NDC80: variants seen among roughly 807,000 people sequenced by gnomAD.
The protein encoded by NDC80 is NDC80 kinetochore complex component.
A neutral mutation model predicts 89.3 loss-of-function variants in NDC80; 69 were observed. That is an observed-to-expected ratio of 0.77 (90% confidence interval 0.64 to 0.94). The LOEUF (loss-of-function observed/expected upper bound fraction) is 0.94. Ranked by LOEUF, NDC80 falls within the 40% of genes least tolerant of loss-of-function variation. NDC80 has a pLI of 0.00. For missense variants in NDC80, 593 were observed against 739.6 expected, an observed-to-expected ratio of 0.80 and a Z score of 2.30; for synonymous variants, 243 against 255.6, an observed-to-expected ratio of 0.95 and a Z score of 0.47.
intron 13 of NDC80, among the ~76,000 whole-genome samples, chr18:2,603,356 C>CATATAAATATATATATATAT (rs2072693939): frequency 8.3e-6 from 1 of 120,800 alleles, no homozygotes; most frequent in Admixed American, 8.0e-5. Context: ...TATGTTTATA[C>CATATAAATATATATATATAT]ATATATATAT....
Position 2,608,708 on chromosome 18 carries a change from G to A in NDC80, c.1566G>A (p.Glu522=). The part of the protein sequence containing the change: ...DLYQQKIKEA[E]EEDEKCASEL... Reference sequence around the variant, plus strand: ...TGACTTTATCCTGATAGGAAGCAGAGGAAGAGGATGAAAAATGTGCCAGTG... The same window carrying A: ...TGACTTTATCCTGATAGGAAGCAGAAGAAGAGGATGAAAAATGTGCCAGTG... The change falls in exon 15 of 17, where the codon GAG becomes GAA. Residue 522 remains glutamate, a synonymous_variant. Coordinates refer to ENST00000261597, the MANE Select transcript of NDC80 (RefSeq NM_006101.3). 1.2e-6 allele frequency: 2 copies of A among 1,611,986 alleles called. No homozygotes were observed. Among genetic ancestry groups the A allele is most frequent in the Admixed American group, 3.3e-5 (2 of 59,992 alleles).
intron 2 of NDC80, among the ~76,000 whole-genome samples, chr18:2,574,535 G>GTAA (rs768272398): frequency 6.6e-6 from 1 of 152,042 alleles, no homozygotes; most frequent in Non-Finnish European, 1.5e-5. Context: ...AAATCAGAAA[G>GTAA]TAATAATAAT....
chr18:2,601,462 G>T lies in NDC80; in HGVS notation c.1441G>T (p.Gly481Cys). 1.3e-6 allele frequency: 2 copies of T among 1,498,640 alleles called. No individual in the cohort carries two copies. The highest frequency in any genetic ancestry group is 9.1e-7 in the Non-Finnish European group (1 of 1,102,866). 92.8% of individuals were successfully genotyped at this position (1,498,640 alleles called of 1,614,324 possible). A position where few individuals can be genotyped will look rare whatever the true frequency, so the allele number is the denominator to read the frequency against. The part of the protein sequence containing the change: ...EINKALNKKM[G>C]LEDTLEQLNA... Reference sequence around the variant, plus strand: ...TAATAAAGCCCTAAATAAAAAAATGGGTTTGGAGGATACTTTAGAACAAGT... The same window carrying T: ...TAATAAAGCCCTAAATAAAAAAATGTGTTTGGAGGATACTTTAGAACAAGT... The change falls in exon 13 of 17, where the codon GGT (glycine) becomes TGT (cysteine). Residue 481 changes from glycine (G) to cysteine (C), a missense_variant. Physicochemically the swap from Gly to Cys is radical, Grantham distance 159. Transcript: ENST00000261597.
chr18:2,602,362 T>C (rs1057374579), intron 13 of NDC80, among the ~76,000 whole-genome samples: 3 of 152,062 alleles, frequency 2.0e-5, no homozygotes, highest in Admixed American at 6.6e-5. Context: ...CTCAGAAAAA[T>C]AGAAAAATTT....
intron 13 of NDC80, among the ~76,000 whole-genome samples, chr18:2,604,681 C>T (rs972769403): frequency 6.6e-6 from 1 of 151,692 alleles, no homozygotes; most frequent in South Asian, 2.1e-4. Flanking sequence ...ACCCTTTCTC[C>T]AAAAAGAAAA....
At chr18:2,581,281 A>T (rs1228188026) in intron 6 of NDC80, among the ~76,000 whole-genome samples, 1 of 151,918 alleles carries the variant, frequency 6.6e-6, no homozygotes, top group Non-Finnish European at 1.5e-5. Flanking sequence ...TTAAATCTTA[A>T]TTCATCTCCA....
intron 15 of NDC80, among the ~76,000 whole-genome samples, chr18:2,609,425 G>A (rs1477925138): frequency 2.0e-5 from 3 of 152,022 alleles, no homozygotes; most frequent in Non-Finnish European, 2.9e-5. Context: ...CTACTCATGA[G>A]GCCGAGACAG....
rs994137582 is a variant in NDC80 at position 2,578,137 on chromosome 18, C to T, written c.472C>T (p.Leu158Phe). 1.1e-5 allele frequency: 18 copies of T among 1,612,968 alleles called. No homozygotes were observed. The highest frequency in any genetic ancestry group is 1.5e-5 in the Non-Finnish European group (18 of 1,179,564). The stretch of plus-strand genomic sequence containing the variant: ...AGAGGTTCCAAGAATCTTTAAAGAC[C>T]TTGGGTATGTATATTTCTTATTAGT... Reference protein sequence around the residue: ...EEEVPRIFKDLGYPFALSKSS... With the variant: ...EEEVPRIFKDFGYPFALSKSS... The change falls in exon 5 of 17, where the codon CTT (leucine) becomes TTT (phenylalanine). Residue 158 changes from leucine (L) to phenylalanine (F), a missense_variant. Transcript: ENST00000261597.
intron 11 of NDC80, among the ~76,000 whole-genome samples, chr18:2,597,366 A>G (rs2072662290): frequency 1.3e-5 from 2 of 152,128 alleles, no homozygotes; most frequent in African/African-American, 2.4e-5. Context: ...TCTCAGAAAG[A>G]TCTTATTTCT....
chr18:2,581,554 G>A (rs1030630652), intron 6 of NDC80, among the ~76,000 whole-genome samples: 1 of 152,204 alleles, frequency 6.6e-6, no homozygotes, highest in African/African-American at 2.4e-5. Context: ...GGCTACTTGG[G>A]AAGCTGAGGC....
chr18:2,577,940 C>A (rs778762547), intron 4 of NDC80, 29 bp from the exon 5 acceptor site: 1 of 1,609,180 alleles, frequency 6.2e-7, no homozygotes, highest in South Asian at 1.1e-5. Flanking sequence ...CATTACAAAA[C>A]GTTTGGTGGT....
chr18:2,595,729 A>G lies in NDC80; in HGVS notation c.1221+108A>G, dbSNP rs1298244526. On this transcript the variant is annotated intron_variant, in intron 11 of 16. Transcript: ENST00000261597. ...GTAGAGTAAATTGGCTTAAGAGGTA[A>G]AACATTAGCATTGACATTTTAATGA... 3 of 763,568 alleles carry G rather than the reference A, an allele frequency of 3.9e-6. No homozygotes were observed. In the African/African-American group the frequency reaches 5.3e-5, roughly 13 times the overall value. The allele number at this position is 763,568 out of a possible 1,614,324, so 47.3% of individuals were successfully genotyped here. A position where few individuals can be genotyped will look rare whatever the true frequency, so the allele number is the denominator to read the frequency against.
In NDC80 at chr18:2,611,045, A is replaced by ATTTT. The variant is rs34508122; in HGVS notation, c.1791+201_1791+204dup. Among the ~76,000 whole-genome samples, 6 of 112,530 alleles carry ATTTT rather than the reference A, an allele frequency of 5.3e-5. 1 individual carries two copies. Among genetic ancestry groups the ATTTT allele is most frequent in the Admixed American group, 1.0e-4 (1 of 9,588 alleles). The allele number at this position is 112,530 out of a possible 152,430, so 73.8% of individuals were successfully genotyped here. A position where few individuals can be genotyped will look rare whatever the true frequency, so the allele number is the denominator to read the frequency against. ...ACGTGATGCAGGGGAACACTTGAGC[A>ATTTT]TTTTTTTTTTTTTTTTTTTTGAGAC... On this transcript the variant is annotated intron_variant, in intron 16 of 16. Coordinates refer to ENST00000261597, the MANE Select transcript of NDC80 (RefSeq NM_006101.3).
In NDC80 at chr18:2,605,270, ATGTATG is replaced by A. The variant is rs2072704452; in HGVS notation, c.1465-1141_1465-1136del. On this transcript the variant is annotated intron_variant, in intron 13 of 16. Transcript: ENST00000261597. ...AGGCAATTGGAGTCGGGCGGGCTATATGTATGTGTGTGTGTGTGTGTGTGTGTGTGT... is the reference window on the plus strand; with the variant it reads ...AGGCAATTGGAGTCGGGCGGGCTATATGTGTGTGTGTGTGTGTGTGTGTGT... Among the ~76,000 whole-genome samples the A allele has an allele frequency of 2.1e-3, 209 of 98,172 alleles. 2 individuals are homozygous for A. The highest frequency in any genetic ancestry group is 7.4e-3 in the African/African-American group (193 of 26,234). 64.4% of individuals were successfully genotyped at this position (98,172 alleles called of 152,430 possible).
intron 13 of NDC80, among the ~76,000 whole-genome samples, chr18:2,605,542 G>A (rs779660019): frequency 6.6e-6 from 1 of 152,066 alleles, no homozygotes; most frequent in Non-Finnish European, 1.5e-5. Flanking sequence ...TAACTTGTTA[G>A]TTACTGCAGA....
At chr18:2,587,981 T>C in intron 8 of NDC80, 58 bp downstream of exon 8, 3 of 1,361,126 alleles carry the variant, frequency 2.2e-6, no homozygotes, top group East Asian at 2.3e-5. Flanking sequence ...GCTCATGGAG[T>C]GGTAATTTAT....
chr18:2,607,918 A>G (rs1276913430), intron 14 of NDC80, among the ~76,000 whole-genome samples: 1 of 145,180 alleles, frequency 6.9e-6, no homozygotes, highest in Non-Finnish European at 1.5e-5. Context: ...ATACAAATGT[A>G]GAGAGAGCAA....
chr18:2,585,198 A>G lies in NDC80; in HGVS notation c.665A>G (p.Asn222Ser), dbSNP rs754890184. The change falls in exon 7 of 17, where the codon AAT becomes AGT. Residue 222 changes from asparagine to serine, a missense_variant. Coordinates refer to ENST00000261597, the MANE Select transcript of NDC80 (RefSeq NM_006101.3). Reference protein sequence around the residue: ...GEETEDGIMHNKLFLDYTIKC... With the variant: ...GEETEDGIMHSKLFLDYTIKC... ...GAAACTGAAGATGGAATTATGCATA[A>G]TAAGGTACCATGTATTATCATAAAC... 1 of 1,604,204 alleles carries G rather than the reference A, an allele frequency of 6.2e-7. No individual in the cohort carries two copies. Among genetic ancestry groups the G allele is most frequent in the Admixed American group, 1.7e-5 (1 of 60,012 alleles).
Position 2,587,863 on chromosome 18 carries a change from A to G in NDC80, c.703A>G (p.Ser235Gly). 1 of 1,613,694 alleles carries G rather than the reference A, an allele frequency of 6.2e-7. No individual in the cohort carries two copies. The highest frequency in any genetic ancestry group is 8.5e-7 in the Non-Finnish European group (1 of 1,179,648). ...GGACTACACCATAAAATGCTATGAG[A>G]GTTTTATGAGTGGTGCCGACAGCTT... is the stretch of plus-strand genomic sequence containing the variant. ...FLDYTIKCYE[S>G]FMSGADSFDE... The change falls in exon 8 of 17, where the codon AGT (serine) becomes GGT (glycine). Residue 235 changes from serine (S) to glycine (G), a missense_variant. Physicochemically the swap from Ser to Gly is moderately conservative, Grantham distance 56. Transcript: ENST00000261597.
Sources: allele counts gnomAD v4.1 joint callset (sites outside exome capture counted in the v4.1 genomes callset), GRCh38; gene constraint gnomAD v4.1.1; transcripts MANE v1.5; gene names NCBI Gene and HGNC (gene_info 2026-07-23, HGNC 2026-07-21).